The following TAF1 variants were observed in gnomAD, a reference collection of about 807,000 sequenced individuals.
TAF1 encodes the protein TATA-box binding protein associated factor 1, also known as transcription initiation factor TFIID subunit 1.
Under a neutral mutation model 138.5 loss-of-function variants are expected in TAF1, and 2 were observed. The ratio of observed to expected loss-of-function variants is 0.01; its 90% CI spans 0.01 to 0.05. The LOEUF is 0.05. Among genes scored for constraint, TAF1 ranks in the 10% least tolerant of loss-of-function variants. The probability of loss-of-function intolerance (pLI) is 1.00; values close to 1 mark genes in which losing one functional copy is unlikely to be tolerated. For missense variants in TAF1, 709 were observed against 1,478.0 expected (o/e 0.48, Z 8.53); for synonymous variants, 437 against 503.2 (o/e 0.87, Z 1.76).
intron 24 of TAF1, among the ~76,000 whole-genome samples, chrX:71,401,096 T>C (rs1029789770): frequency 2.7e-5 from 3 of 112,477 alleles, no homozygotes; most frequent in Non-Finnish European, 5.6e-5. Flanking sequence ...AATCTTCTCT[T>C]TATTCTTCTT....
chrX:71,477,975 T>C (rs1402805191), intron 13 of TAF1, among the ~76,000 whole-genome samples: 2 of 110,511 alleles, frequency 1.8e-5, no homozygotes, highest in Non-Finnish European at 3.8e-5. Flanking sequence ...GCCTGGGTGA[T>C]AGAGCAAGAC....
In TAF1 at chrX:71,464,168, T is replaced by A; in HGVS notation, c.*122T>A. The A allele has an allele frequency of 8.2e-6, 5 of 610,558 alleles. No homozygotes were observed. The highest frequency in any genetic ancestry group is 1.3e-5 in the Non-Finnish European group (5 of 396,794). 50.3% of individuals were successfully genotyped at this position (610,558 alleles called of 1,213,427 possible). A position where few individuals can be genotyped will look rare whatever the true frequency, so the allele number is the denominator to read the frequency against. ...TGAAATCATGAAATTAACTAACACC[T>A]TAGCCTTTTTAAAAGTAGTAAGTAA... On this transcript the variant is annotated 3_prime_UTR_variant, in exon 38 of 38. Coordinates refer to ENST00000423759, the MANE Select transcript of TAF1 (RefSeq NM_004606.5).
intron 13 of TAF1, among the ~76,000 whole-genome samples, chrX:71,493,583 G>C (rs1261237153): frequency 8.9e-6 from 1 of 112,735 alleles, no homozygotes; most frequent in African/African-American, 3.2e-5. Context: ...TTCTGTAGAA[G>C]CGCTTTGCTG....
intron 9 of TAF1, among the ~76,000 whole-genome samples, 168 bp downstream of exon 9, chrX:71,382,087 G>A (rs755558822): frequency 7.1e-5 from 8 of 112,005 alleles, no homozygotes; most frequent in Admixed American, 9.5e-5. Flanking sequence ...TTGTGTATAT[G>A]CTTAGGGAAC....
chrX:71,469,600 G>A (rs193295594), downstream of TAF1, among the ~76,000 whole-genome samples: 1 of 109,272 alleles, frequency 9.2e-6, no homozygotes, highest in East Asian at 2.9e-4. Context: ...GGAGGCTCGG[G>A]TGGGAGGATC....
intron 17 of TAF1, among the ~76,000 whole-genome samples, chrX:71,389,184 A>G (rs2034419448): frequency 9.0e-6 from 1 of 111,590 alleles, no homozygotes; most frequent in East Asian, 2.8e-4. Flanking sequence ...TAAGCAGGGA[A>G]AGTACTTGTC....
At chrX:71,469,724 G>A (rs1046754382), downstream of TAF1, among the ~76,000 whole-genome samples, 11 of 110,274 alleles carry the variant, frequency 1.0e-4, no homozygotes, top group Non-Finnish European at 2.1e-4. Context: ...ATTTTGAGAC[G>A]GAGTTTCGCT....
At chrX:71,525,741 C>T (rs921634688) in intron 13 of TAF1, among the ~76,000 whole-genome samples, 1 of 110,525 alleles carries the variant, frequency 9.0e-6, no homozygotes, top group African/African-American at 3.3e-5. Flanking sequence ...CAACCTCCAC[C>T]TCCCTGGGCT....
intron 34 of TAF1, 94 bp from the exon 35 acceptor site, chrX:71,458,147 G>T: frequency 9.4e-7 from 1 of 1,067,032 alleles, no homozygotes; most frequent in Non-Finnish European, 1.3e-6. Flanking sequence ...TGCTCTGCAT[G>T]ATCTTTTTCT....
chrX:71,421,496 G>T, intron 29 of TAF1, 120 bp downstream of exon 29: 1 of 594,688 alleles, frequency 1.7e-6, no homozygotes, highest in Non-Finnish European at 2.7e-6. Context: ...CAGATCTTTA[G>T]TATATGTGAA....
intron 32 of TAF1, among the ~76,000 whole-genome samples, chrX:71,439,344 T>A (rs1189177581): frequency 4.5e-5 from 5 of 111,500 alleles, no homozygotes; most frequent in Non-Finnish European, 7.5e-5. Context: ...ATCCAGTATG[T>A]CACTAAAGTT....
intron 13 of TAF1, among the ~76,000 whole-genome samples, chrX:71,499,108 T>A (rs1257579061): frequency 9.0e-6 from 1 of 111,137 alleles, no homozygotes; most frequent in African/African-American, 3.3e-5. Context: ...TTCCAGTGAT[T>A]GGCTAGGCAT....
intron 32 of TAF1, among the ~76,000 whole-genome samples, chrX:71,430,015 T>C (rs2036797386): frequency 8.9e-6 from 1 of 112,002 alleles, no homozygotes. Flanking sequence ...ACAAATGTTC[T>C]TTGCAGCATT....
intron 1 of TAF1, among the ~76,000 whole-genome samples, chrX:71,367,090 C>G (rs967602391): frequency 2.7e-5 from 3 of 112,287 alleles, no homozygotes; most frequent in Non-Finnish European, 3.8e-5. Flanking sequence ...AGGAGTGAAG[C>G]TGTCGGCCGC....
intron 29 of TAF1, among the ~76,000 whole-genome samples, chrX:71,421,649 G>GAA (rs1010323041): frequency 1.8e-5 from 2 of 111,915 alleles, no homozygotes; most frequent in Non-Finnish European, 3.8e-5. Context: ...TAACTCATTA[G>GAA]AAAGGGCAAA....
rs1373054106 is a variant in TAF1 at position 71,423,970 on chromosome X, C to A, written c.4576-4C>A. The A allele has an allele frequency of 8.5e-7, 1 of 1,183,126 alleles. No individual in the cohort carries two copies. The highest frequency in any genetic ancestry group is 2.3e-5 in the Admixed American group (1 of 43,492). ...TTTAATTTCTTATGCTTTCTATTTA[C>A]TAGTCTTGGCCATTTCATCACCCAG... On this transcript the variant is annotated splice_region_variant and splice_polypyrimidine_tract_variant and intron_variant, in intron 30 of 37. Transcript: ENST00000423759.
At chrX:71,428,271 A>G (rs2036700150) in intron 32 of TAF1, among the ~76,000 whole-genome samples, 1 of 110,463 alleles carries the variant, frequency 9.1e-6, no homozygotes, top group African/African-American at 3.3e-5. Flanking sequence ...CGCTTGGCCA[A>G]CTCAATTTTT....
intron 25 of TAF1, among the ~76,000 whole-genome samples, chrX:71,404,628 C>T (rs938270734): frequency 3.6e-5 from 4 of 111,892 alleles, no homozygotes; most frequent in Non-Finnish European, 7.5e-5. Context: ...TGAGCTACCA[C>T]GCTCAGCTGG....
chrX:71,419,381 G>GA (rs1313570541), intron 28 of TAF1, among the ~76,000 whole-genome samples: 182 of 104,560 alleles, frequency 1.7e-3, no homozygotes, highest in Non-Finnish European at 2.8e-3. Flanking sequence ...AAAGGCAAAG[G>GA]AAAAAAAAAC....
Sources: allele counts gnomAD v4.1 joint callset (sites outside exome capture counted in the v4.1 genomes callset), GRCh38; gene constraint gnomAD v4.1.1; transcripts MANE v1.5; gene names NCBI Gene and HGNC (gene_info 2026-07-23, HGNC 2026-07-21).